The following COL19A1 variants were observed in gnomAD, a reference collection of about 807,000 sequenced individuals.
The protein encoded by COL19A1 is collagen type XIX alpha 1 chain.
COL19A1 carries 159 observed loss-of-function variants against 190.2 expected under a neutral mutation model. The observed-to-expected ratio is 0.84, with a 90% CI of 0.73 to 0.95. COL19A1 has a LOEUF of 0.95. Among genes scored for constraint, COL19A1 ranks in the 40% least tolerant of loss-of-function variants. The pLI is 0.00. For synonymous variants in COL19A1, 509 were observed against 458.9 expected (o/e 1.11, Z -1.39); for missense variants, 1,418 against 1,431.9 (o/e 0.99, Z 0.16).
In COL19A1 at chr6:70,207,267, G is replaced by A. The variant is rs558190147; in HGVS notation, c.3422G>A (p.Gly1141Glu). The part of the protein sequence containing the change: ...PVSHAHQRTG[G>E]N ...TCTCATGCCCATCAGCGCACAGGTG[G>A]GAATTGAACACACCTGAAGAAGACT... Residue 1141 changes from glycine (G) to glutamate (E), a missense_variant, in exon 51 of 51, where the codon GGG becomes GAG. By Grantham distance (98) the Gly-to-Glu change is moderately conservative (BLOSUM62 -2). Coordinates refer to ENST00000620364, the MANE Select transcript of COL19A1 (RefSeq NM_001858.6). 3 of 1,613,360 alleles carry A rather than the reference G, an allele frequency of 1.9e-6. No homozygotes were observed. In the African/African-American group the frequency reaches 4.0e-5, roughly 22 times the overall value.
chr6:70,029,285 A>G (rs1778897975), intron 12 of COL19A1, among the ~76,000 whole-genome samples: 1 of 152,180 alleles, frequency 6.6e-6, no homozygotes, highest in African/African-American at 2.4e-5. Context: ...TCCCATGAGT[A>G]GTACTAGGTA....
At chr6:70,039,215 A>G in intron 14 of COL19A1, among the ~76,000 whole-genome samples, 1 of 152,216 alleles carries the variant, frequency 6.6e-6, no homozygotes, top group East Asian at 1.9e-4. Context: ...TTTCCCAAGC[A>G]GTTCTAATGT....
At chr6:70,029,980 A>G (rs1377135047) in intron 12 of COL19A1, among the ~76,000 whole-genome samples, 1 of 152,150 alleles carries the variant, frequency 6.6e-6, no homozygotes, top group African/African-American at 2.4e-5. Context: ...TACCTATTTT[A>G]TAGGAAAGCT....
At chr6:69,972,685 ATATAAAAC>A (rs1346937308) in intron 11 of COL19A1, among the ~76,000 whole-genome samples, 1 of 418 alleles carries the variant, frequency 2.4e-3, no homozygotes, top group Non-Finnish European at 5.0e-3. Flanking sequence ...AATATATAAA[ATATAAAAC>A]ATTAATATAT....
intron 46 of COL19A1, 140 bp downstream of exon 46, chr6:70,185,055 T>G: frequency 2.8e-6 from 2 of 725,980 alleles, no homozygotes; most frequent in Non-Finnish European, 2.1e-6. Context: ...CAAAGATCTC[T>G]ACCAGACATT....
intron 18 of COL19A1, among the ~76,000 whole-genome samples, chr6:70,131,795 T>G (rs1385894192): frequency 6.6e-6 from 1 of 152,220 alleles, no homozygotes; most frequent in Non-Finnish European, 1.5e-5. Flanking sequence ...TGGGTTCTGT[T>G]TTGCTGTGTT....
chr6:70,202,245 ATTTTGTTTTG>A (rs113068558), intron 49 of COL19A1, among the ~76,000 whole-genome samples: 2 of 151,848 alleles, frequency 1.3e-5, no homozygotes, highest in East Asian at 1.9e-4. Flanking sequence ...TAGATGAGAC[ATTTTGTTTTG>A]TTTTGTTTTG....
In COL19A1 at chr6:69,982,311, A is replaced by G. The variant is rs149615056; in HGVS notation, c.1026+19441A>G. Among the ~76,000 whole-genome samples, 827 of 144,808 alleles carry G rather than the reference A, an allele frequency of 5.7e-3. 18 individuals are homozygous for G. In the East Asian group the frequency reaches 0.076, roughly 13 times the overall value. The allele number at this position is 144,808 out of a possible 152,430, so 95.0% of individuals were successfully genotyped here. ...GGCTGGAGTGCAGTGGCACAGTCTCAGCTCACTGCTACCTCCGCCTCCCAG... is the reference window on the plus strand; with the variant it reads ...GGCTGGAGTGCAGTGGCACAGTCTCGGCTCACTGCTACCTCCGCCTCCCAG... On this transcript the variant is annotated intron_variant, in intron 11 of 50. Coordinates refer to ENST00000620364, the MANE Select transcript of COL19A1 (RefSeq NM_001858.6).
At chr6:70,048,306 T>A (rs1780015891) in intron 14 of COL19A1, among the ~76,000 whole-genome samples, 1 of 152,110 alleles carries the variant, frequency 6.6e-6, no homozygotes, top group South Asian at 2.1e-4. Flanking sequence ...CATAAGGGAA[T>A]TTTTGAAATA....
chr6:70,097,161 A>G (rs563945303), intron 15 of COL19A1, among the ~76,000 whole-genome samples: 8 of 152,234 alleles, frequency 5.3e-5, no homozygotes, highest in Non-Finnish European at 8.8e-5. Flanking sequence ...TCAAAAGTCT[A>G]ATTTAAGATA....
intron 26 of COL19A1, 52 bp from the exon 27 acceptor site, chr6:70,146,760 A>G: frequency 1.9e-6 from 3 of 1,591,538 alleles, no homozygotes; most frequent in Non-Finnish European, 2.6e-6. Context: ...AATACAGCAG[A>G]AAAATGTATG....
chr6:70,065,402 C>T (rs535188109), intron 14 of COL19A1, among the ~76,000 whole-genome samples: 11 of 152,266 alleles, frequency 7.2e-5, no homozygotes, highest in South Asian at 6.2e-4. Flanking sequence ...ACGGGCTAGC[C>T]GTATGTAGAA....
chr6:70,074,498 CAAA>C (rs368408394), intron 15 of COL19A1, among the ~76,000 whole-genome samples: 7 of 97,188 alleles, frequency 7.2e-5, no homozygotes, highest in African/African-American at 1.6e-4. Flanking sequence ...GACTCCACCT[CAAA>C]AAAAAAAAAA....
At chr6:69,901,456 A>C (rs1482291693) in intron 4 of COL19A1, among the ~76,000 whole-genome samples, 1 of 152,268 alleles carries the variant, frequency 6.6e-6, no homozygotes, top group Non-Finnish European at 1.5e-5. Flanking sequence ...ACTTGGTAAG[A>C]AACAAGAATA....
intron 11 of COL19A1, among the ~76,000 whole-genome samples, chr6:70,016,366 T>TAAAA (rs752043571): frequency 5.0e-4 from 19 of 37,624 alleles, no homozygotes; most frequent in East Asian, 4.8e-3. Context: ...TAGAGTATAA[T>TAAAA]AAAAAAAAAA....
chr6:69,962,352 G>A (rs1343064266), intron 10 of COL19A1, among the ~76,000 whole-genome samples: 2 of 152,146 alleles, frequency 1.3e-5, no homozygotes, highest in African/African-American at 4.8e-5. Flanking sequence ...CAGAACCCAA[G>A]GGTTCAAACC....
intron 31 of COL19A1, among the ~76,000 whole-genome samples, chr6:70,154,731 G>A (rs529468718): frequency 2.0e-5 from 3 of 152,178 alleles, no homozygotes; most frequent in Non-Finnish European, 4.4e-5. Flanking sequence ...CCTTCAGTCT[G>A]TGGCCGAAGG....
intron 2 of COL19A1, among the ~76,000 whole-genome samples, chr6:69,891,444 C>T (rs1477587876): frequency 6.6e-6 from 1 of 152,076 alleles, no homozygotes; most frequent in Non-Finnish European, 1.5e-5. Context: ...CCCAGGGATT[C>T]AGGATGCATT....
intron 11 of COL19A1, among the ~76,000 whole-genome samples, chr6:70,005,712 A>G (rs1050165649): frequency 3.3e-5 from 5 of 151,992 alleles, no homozygotes; most frequent in African/African-American, 1.2e-4. Flanking sequence ...CTAGGGGGAA[A>G]CCCACTTGTC....
Sources: allele counts gnomAD v4.1 joint callset (sites outside exome capture counted in the v4.1 genomes callset), GRCh38; gene constraint gnomAD v4.1.1; transcripts MANE v1.5; gene names NCBI Gene and HGNC (gene_info 2026-07-23, HGNC 2026-07-21).